Variants in EIF2S2 observed in about 807,000 individuals in gnomAD.
EIF2S2 encodes the protein eukaryotic translation initiation factor 2 subunit beta.
A neutral mutation model predicts 44.0 loss-of-function variants in EIF2S2; 4 were observed. That is an observed-to-expected ratio of 0.09 (90% CI 0.04 to 0.21). The LOEUF (loss-of-function observed/expected upper bound fraction) is 0.21, where lower values mean the gene tolerates loss of function less well. Among genes scored for constraint, EIF2S2 ranks in the 10% least tolerant of loss-of-function variants. The pLI is 1.00. For missense variants in EIF2S2, 154 were observed against 392.0 expected (o/e 0.39, Z 5.13); for synonymous variants, 108 against 128.3 (o/e 0.84, Z 1.07).
At chr20:34,095,984 G>A (rs865800532) in intron 6 of EIF2S2, among the ~76,000 whole-genome samples, 1 of 152,160 alleles carries the variant, frequency 6.6e-6, no homozygotes, top group Non-Finnish European at 1.5e-5. Context: ...GAATGTGATG[G>A]TAATTAAGAA....
intron 7 of EIF2S2, among the ~76,000 whole-genome samples, chr20:34,093,464 C>T (rs1008985496): frequency 2.0e-5 from 3 of 152,200 alleles, no homozygotes; most frequent in Admixed American, 6.5e-5. Flanking sequence ...GGTTGGTACA[C>T]CAGCAGGCCT....
intron 3 of EIF2S2, among the ~76,000 whole-genome samples, chr20:34,101,823 C>T (rs950207234): frequency 1.3e-5 from 2 of 151,872 alleles, no homozygotes; most frequent in African/African-American, 4.8e-5. Flanking sequence ...TACAGGTGTG[C>T]ACCACCACAC....
intron 4 of EIF2S2, among the ~76,000 whole-genome samples, chr20:34,097,936 T>TA (rs1241399587): frequency 2.0e-5 from 3 of 152,130 alleles, no homozygotes; most frequent in East Asian, 3.8e-4. Context: ...AACACGAGTT[T>TA]AAAAAATTTT....
chr20:34,104,808 A>G (rs1003899562), intron 2 of EIF2S2, among the ~76,000 whole-genome samples: 5 of 152,232 alleles, frequency 3.3e-5, no homozygotes, highest in Admixed American at 2.6e-4. Flanking sequence ...TTAAACATGT[A>G]GAAGACACTT....
At chr20:34,099,362 A>G (rs1271209463) in intron 3 of EIF2S2, among the ~76,000 whole-genome samples, 1 of 141,526 alleles carries the variant, frequency 7.1e-6, no homozygotes, top group Non-Finnish European at 1.5e-5. Context: ...TGTCTCAAAG[A>G]AAAAAAAAAA....
At position 34,096,794 on chromosome 20, in the gene EIF2S2, T is replaced by C. The variant is rs758044179; in HGVS notation, c.546A>G (p.Arg182=). The C allele has an allele frequency of 6.2e-7, 1 of 1,606,866 alleles. No individual in the cohort carries two copies. Among genetic ancestry groups the C allele is most frequent in the East Asian group, 2.2e-5 (1 of 44,848 alleles). Residue 182 remains arginine, a synonymous_variant, in exon 6 of 9, where the codon CGA becomes CGG. Transcript: ENST00000374980. The part of the protein sequence containing the change: ...RDYTYEELLN[R]VFNIMREKNP... ...TCTTTTCCCTCATGATGTTGAACAC[T>C]CGATTCAGCAGCTATAAAAATAAAG... is the stretch of plus-strand genomic sequence containing the variant.
At chr20:34,098,659 AT>A (rs766660684) in intron 3 of EIF2S2, 26 bp from the exon 4 acceptor site, 1 of 1,608,834 alleles carries the variant, frequency 6.2e-7, no homozygotes, top group Non-Finnish European at 8.5e-7. Flanking sequence ...GAGTCTGAAC[AT>A]TTGATACTGG....
At chr20:34,107,674 G>C (rs150976998) in intron 1 of EIF2S2, among the ~76,000 whole-genome samples, 4 of 152,152 alleles carry the variant, frequency 2.6e-5, no homozygotes, top group East Asian at 1.9e-4. Context: ...ACTCTCAAAA[G>C]CTTCCCAAAA....
At chr20:34,111,295 A>G (rs1024821780) in intron 1 of EIF2S2, among the ~76,000 whole-genome samples, 1 of 152,230 alleles carries the variant, frequency 6.6e-6, no homozygotes, top group African/African-American at 2.4e-5. Flanking sequence ...GGCCTCCCCC[A>G]ATGTTAAGCA....
intron 3 of EIF2S2, among the ~76,000 whole-genome samples, chr20:34,102,847 T>A (rs2034309197): frequency 6.6e-6 from 1 of 152,156 alleles, no homozygotes; most frequent in Admixed American, 6.6e-5. Context: ...CTTTCATCCA[T>A]CCACCTACCC....
intron 1 of EIF2S2, among the ~76,000 whole-genome samples, chr20:34,108,902 A>T (rs906145996): frequency 1.3e-5 from 2 of 152,054 alleles, no homozygotes; most frequent in African/African-American, 4.8e-5. Context: ...AACAAATGCT[A>T]AGTGTTGCCA....
At chr20:34,108,637 G>GGTGT (rs764900167) in intron 1 of EIF2S2, among the ~76,000 whole-genome samples, 10 of 152,262 alleles carry the variant, frequency 6.6e-5, no homozygotes, top group Non-Finnish European at 1.5e-4. Flanking sequence ...TTATATTTTA[G>GGTGT]GTTCACAACA....
chr20:34,099,298 AG>A (rs1336434077), intron 3 of EIF2S2, among the ~76,000 whole-genome samples: 7 of 152,024 alleles, frequency 4.6e-5, no homozygotes, highest in African/African-American at 1.7e-4. Flanking sequence ...CAGAGGTTGC[AG>A]TGAGTTGAGA....
chr20:34,100,816 T>C (rs2034287074), intron 3 of EIF2S2, among the ~76,000 whole-genome samples: 1 of 152,138 alleles, frequency 6.6e-6, no homozygotes, highest in African/African-American at 2.4e-5. Context: ...CCAAGATTAG[T>C]TGCCAGAGGC....
At chr20:34,095,459 G>A (rs1601531762) in intron 6 of EIF2S2, among the ~76,000 whole-genome samples, 1 of 152,072 alleles carries the variant, frequency 6.6e-6, no homozygotes, top group African/African-American at 2.4e-5. Context: ...TTACAGGCAC[G>A]TGCCACCACG....
In EIF2S2 at chr20:34,098,699, A is replaced by G. The variant is rs916529106; in HGVS notation, c.298-66T>C. ...TATTCTTTTTTATTTATTTTATTACATTTTCTGTTGAGATGAGGAGGTCTT... is the reference window on the plus strand; with the variant it reads ...TATTCTTTTTTATTTATTTTATTACGTTTTCTGTTGAGATGAGGAGGTCTT... On this transcript the variant is annotated intron_variant, in intron 3 of 8. Coordinates refer to ENST00000374980, the MANE Select transcript of EIF2S2 (RefSeq NM_003908.5). The G allele has an allele frequency of 1.2e-5, 18 of 1,541,976 alleles. No homozygotes were observed. In the African/African-American group the frequency reaches 2.1e-4, roughly 18 times the overall value.
intron 1 of EIF2S2, 80 bp downstream of exon 1, chr20:34,112,016 G>A (rs1211760867): frequency 6.9e-6 from 9 of 1,310,858 alleles, no homozygotes; most frequent in Non-Finnish European, 8.9e-6. Context: ...CTGCTAGGCC[G>A]CAGGCCCGTT....
Position 34,106,911 on chromosome 20 carries a change from G to A in EIF2S2, c.16-1366C>T, listed in dbSNP as rs990906192. Among the ~76,000 whole-genome samples the A allele has an allele frequency of 2.6e-5, 4 of 152,190 alleles. No individual in the cohort carries two copies. In the South Asian group the frequency reaches 8.3e-4, roughly 32 times the overall value. Reference sequence around the variant, plus strand: ...TAGAAAGCGCAGGAGGCTGGGTGCGGTGGCTCACGCCTGTAATCCCAGTAC... The same window carrying A: ...TAGAAAGCGCAGGAGGCTGGGTGCGATGGCTCACGCCTGTAATCCCAGTAC... On this transcript the variant is annotated intron_variant, in intron 1 of 8. Transcript: ENST00000374980.
chr20:34,096,933 G>T, intron 5 of EIF2S2, 128 bp from the exon 6 acceptor site: 1 of 1,043,594 alleles, frequency 9.6e-7, no homozygotes. Flanking sequence ...ATTACTACAA[G>T]TCTGGGAGCT....
Sources: gnomAD v4.1 joint callset for allele counts (sites outside exome capture counted in the v4.1 genomes callset) on GRCh38, gnomAD v4.1.1 for gene constraint, MANE v1.5 for transcripts, NCBI Gene and HGNC (gene_info 2026-07-23, HGNC 2026-07-21) for gene names.